ALMS1: variants seen among roughly 807,000 people sequenced by gnomAD.
ALMS1 encodes the protein ALMS1 centrosome and basal body associated protein.
A neutral mutation model predicts 352.2 loss-of-function variants in ALMS1; 271 were observed. The ratio of observed to expected loss-of-function variants is 0.77; its 90% CI spans 0.70 to 0.85. The LOEUF (loss-of-function observed/expected upper bound fraction) is 0.85, where lower values mean the gene tolerates loss of function less well. Among genes scored for constraint, ALMS1 ranks in the 40% least tolerant of loss-of-function variants. The pLI is 0.00. For synonymous variants in ALMS1, 1,865 were observed against 1,761.2 expected, an observed-to-expected ratio of 1.06 and a Z score of -1.48; for missense variants, 5,445 against 4,870.7, an observed-to-expected ratio of 1.12 and a Z score of -3.51.
intron 2 of ALMS1, among the ~76,000 whole-genome samples, chr2:73,418,672 G>T (rs902690184): frequency 2.0e-5 from 3 of 152,146 alleles, no homozygotes; most frequent in Non-Finnish European, 4.4e-5. Flanking sequence ...GTAGTAAAAT[G>T]AATCTTTCAG....
At chr2:73,489,120 A>C (rs1008205987) in intron 9 of ALMS1, among the ~76,000 whole-genome samples, 1 of 152,220 alleles carries the variant, frequency 6.6e-6, no homozygotes, top group Non-Finnish European at 1.5e-5. Context: ...TTCAGGAGGC[A>C]AGAAAAATAG....
intron 9 of ALMS1, among the ~76,000 whole-genome samples, chr2:73,476,517 A>G (rs1672586738): frequency 6.6e-6 from 1 of 151,918 alleles, no homozygotes. Flanking sequence ...TCCCACCAGC[A>G]GTATTCGAGG....
intron 16 of ALMS1, among the ~76,000 whole-genome samples, chr2:73,579,432 C>G (rs1358514216): frequency 6.6e-6 from 1 of 151,836 alleles, no homozygotes; most frequent in Non-Finnish European, 1.5e-5. Flanking sequence ...GTGATCTTGG[C>G]TCACTGCAAC....
intron 21 of ALMS1, among the ~76,000 whole-genome samples, chr2:73,605,253 T>A (rs1675791584): frequency 6.6e-6 from 1 of 152,218 alleles, no homozygotes; most frequent in Non-Finnish European, 1.5e-5. Flanking sequence ...AGAAAACTTG[T>A]ATTCACCTCC....
At chr2:73,387,653 C>G (rs1177984530) in intron 1 of ALMS1, among the ~76,000 whole-genome samples, 1 of 152,136 alleles carries the variant, frequency 6.6e-6, no homozygotes, top group African/African-American at 2.4e-5. Context: ...GGCTTTATCT[C>G]TGGAGCTTTG....
intron 9 of ALMS1, among the ~76,000 whole-genome samples, chr2:73,464,380 T>C (rs1672279679): frequency 6.6e-6 from 1 of 152,178 alleles, no homozygotes; most frequent in Non-Finnish European, 1.5e-5. Flanking sequence ...AAAAGGCCTT[T>C]GACAAAATTC....
chr2:73,601,636 G>C (rs1212040065), intron 19 of ALMS1, among the ~76,000 whole-genome samples, 200 bp downstream of exon 19: 1 of 152,214 alleles, frequency 6.6e-6, no homozygotes, highest in Non-Finnish European at 1.5e-5. Context: ...CCTAACCATA[G>C]ATGGTGCATC....
chr2:73,497,547 A>T (rs1340720898), intron 10 of ALMS1, among the ~76,000 whole-genome samples: 1 of 151,974 alleles, frequency 6.6e-6, no homozygotes, highest in Non-Finnish European at 1.5e-5. Flanking sequence ...TGTACAAGTT[A>T]TGTTAACACT....
intron 16 of ALMS1, among the ~76,000 whole-genome samples, chr2:73,574,897 C>T (rs1470245123): frequency 1.3e-5 from 2 of 152,098 alleles, no homozygotes; most frequent in Non-Finnish European, 2.9e-5. Flanking sequence ...CAGTGGAAAC[C>T]CTGTACCCAT....
At chr2:73,404,899 CTTTTTTTTTTTTTTTTTT>C (rs58122480) in intron 1 of ALMS1, among the ~76,000 whole-genome samples, 11 of 60,792 alleles carry the variant, frequency 1.8e-4, no homozygotes, top group African/African-American at 1.2e-3. Flanking sequence ...TGTCCTGGAC[CTTTTTTTTTTTTTTTTTT>C]TTTTTTTTTT....
Position 73,490,970 on chromosome 2 carries a change from A to T in ALMS1, c.9011A>T (p.Lys3004Ile), listed in dbSNP as rs1481447691. The T allele has an allele frequency of 6.2e-7, 1 of 1,614,218 alleles. No homozygotes were observed. The highest frequency in any genetic ancestry group is 1.7e-5 in the Admixed American group (1 of 60,030). ...VVEKNNQHKP[K>I]SHISNINVEA... The stretch of plus-strand genomic sequence containing the variant: ...GAAAAGAATAATCAACATAAGCCTA[A>T]ATCACACATTTCTAATATAAATGTT... Residue 3004 changes from lysine (K) to isoleucine (I), a missense_variant, in exon 10 of 23, where the codon AAA becomes ATA. By Grantham distance (102) the Lys-to-Ile change is moderately radical (BLOSUM62 -3). Coordinates refer to ENST00000613296, the MANE Select transcript of ALMS1 (RefSeq NM_001378454.1).
intron 2 of ALMS1, 109 bp from the exon 3 acceptor site, chr2:73,419,014 C>A: frequency 1.1e-6 from 1 of 905,560 alleles, no homozygotes; most frequent in African/African-American, 1.7e-5. Context: ...ATGAGAATGT[C>A]ATTAAATAGG....
Position 73,452,397 on chromosome 2 carries a change from A to G in ALMS1, c.5870A>G (p.Asp1957Gly), listed in dbSNP as rs1464393698. The change falls in exon 8 of 23, where the codon GAC (aspartate) becomes GGC (glycine). Residue 1957 changes from aspartate to glycine, a missense_variant. Physicochemically the swap from Asp to Gly is moderately conservative, Grantham distance 94. Coordinates refer to ENST00000613296, the MANE Select transcript of ALMS1 (RefSeq NM_001378454.1). ...GTTATCTCTCAACAGGAGTTGCCAG[A>G]CAGTCATCTCACAGAAGAGGCTCTG... The part of the protein sequence containing the change: ...PSVISQQELP[D>G]SHLTEEALKV... 4 of 1,614,054 alleles carry G rather than the reference A, an allele frequency of 2.5e-6. No homozygotes were observed. The highest frequency in any genetic ancestry group is 2.5e-6 in the Non-Finnish European group (3 of 1,179,994).
At chr2:73,435,555 T>G (rs1454201760) in intron 7 of ALMS1, among the ~76,000 whole-genome samples, 2 of 151,838 alleles carry the variant, frequency 1.3e-5, no homozygotes, top group African/African-American at 4.8e-5. Flanking sequence ...TTTTTGGTGC[T>G]ATTATTGTTA....
At chr2:73,563,683 A>T (rs563821425) in intron 15 of ALMS1, among the ~76,000 whole-genome samples, 1 of 145,338 alleles carries the variant, frequency 6.9e-6, no homozygotes, top group African/African-American at 2.6e-5. Context: ...AGATCACGCC[A>T]CTGCACTCCA....
chr2:73,416,926 CT>C (rs1392852519), intron 2 of ALMS1, among the ~76,000 whole-genome samples: 4 of 152,042 alleles, frequency 2.6e-5, no homozygotes, highest in East Asian at 1.9e-4. Context: ...AGTGAGACCC[CT>C]GTCTCTACAA....
At chr2:73,400,209 G>A (rs1277213190) in intron 1 of ALMS1, among the ~76,000 whole-genome samples, 2 of 152,140 alleles carry the variant, frequency 1.3e-5, no homozygotes, top group Non-Finnish European at 2.9e-5. Flanking sequence ...GCCTCTCAAA[G>A]TGCTGGAATT....
At chr2:73,390,249 T>C (rs1464502523) in intron 1 of ALMS1, among the ~76,000 whole-genome samples, 2 of 152,146 alleles carry the variant, frequency 1.3e-5, no homozygotes, top group Non-Finnish European at 2.9e-5. Flanking sequence ...GGAAAGTGTT[T>C]AAGGAAAAAA....
At chr2:73,430,675 A>G (rs924856552) in intron 6 of ALMS1, among the ~76,000 whole-genome samples, 3 of 152,160 alleles carry the variant, frequency 2.0e-5, no homozygotes, top group African/African-American at 7.2e-5. Context: ...ACTGTGTTAC[A>G]GTTGCCTACA....
Sources: gnomAD v4.1 joint callset for allele counts (sites outside exome capture counted in the v4.1 genomes callset) on GRCh38, gnomAD v4.1.1 for gene constraint, MANE v1.5 for transcripts, NCBI Gene and HGNC (gene_info 2026-07-23, HGNC 2026-07-21) for gene names.